The following CDK14 variants were observed in gnomAD, a reference collection of about 807,000 sequenced individuals.
The protein encoded by CDK14 is cyclin-dependent kinase 14.
Under a neutral mutation model 60.7 loss-of-function variants are expected in CDK14, and 34 were observed. The ratio of observed to expected loss-of-function variants is 0.56; its 90% CI spans 0.43 to 0.75. The LOEUF is 0.75. Among genes scored for constraint, CDK14 ranks in the 30% least tolerant of loss-of-function variants. The pLI is 0.00. For synonymous variants in CDK14, 197 were observed against 203.7 expected, an observed-to-expected ratio of 0.97 and a Z score of 0.28; for missense variants, 482 against 564.1, an observed-to-expected ratio of 0.85 and a Z score of 1.47.
chr7:90,859,659 G>C (rs1053720630), intron 5 of CDK14, among the ~76,000 whole-genome samples: 1 of 152,052 alleles, frequency 6.6e-6, no homozygotes, highest in Admixed American at 6.6e-5. Flanking sequence ...CATATGCATA[G>C]CCTCCCCAGC....
chr7:90,634,363 T>C (rs1184852754), intron 2 of CDK14, among the ~76,000 whole-genome samples: 5 of 143,970 alleles, frequency 3.5e-5, no homozygotes, highest in East Asian at 2.1e-4. Context: ...TCAATTCCCA[T>C]CTATGAGTGA....
intron 2 of CDK14, among the ~76,000 whole-genome samples, chr7:90,638,925 G>C (rs1800239121): frequency 6.6e-6 from 1 of 151,800 alleles, no homozygotes; most frequent in Admixed American, 6.6e-5. Flanking sequence ...GATCGCATCG[G>C]CTCCTGAGGC....
intron 10 of CDK14, among the ~76,000 whole-genome samples, chr7:90,994,860 A>G (rs1022532272): frequency 1.6e-4 from 25 of 152,330 alleles, no homozygotes; most frequent in African/African-American, 6.0e-4. Context: ...AGGTGGTGAC[A>G]CTTCTTAGCA....
intron 9 of CDK14, among the ~76,000 whole-genome samples, chr7:90,967,276 T>C (rs1408057690): frequency 6.6e-6 from 1 of 152,086 alleles, no homozygotes; most frequent in African/African-American, 2.4e-5. Context: ...TGTATAAGGA[T>C]CTTTATAGGA....
intron 10 of CDK14, among the ~76,000 whole-genome samples, chr7:90,990,240 T>A (rs888686623): frequency 6.6e-6 from 1 of 152,148 alleles, no homozygotes; most frequent in Non-Finnish European, 1.5e-5. Flanking sequence ...ATTGTGCCAC[T>A]GCACTCCAGC....
At chr7:90,630,086 ACAC>A (rs765032106) in intron 2 of CDK14, among the ~76,000 whole-genome samples, 2 of 74,288 alleles carry the variant, frequency 2.7e-5, no homozygotes, top group Admixed American at 3.6e-4. Context: ...ACAAAACAAA[ACAC>A]CACACACAAA....
chr7:91,060,400 A>G (rs1797742408), intron 11 of CDK14, among the ~76,000 whole-genome samples: 2 of 152,074 alleles, frequency 1.3e-5, no homozygotes, highest in African/African-American at 4.8e-5. Flanking sequence ...GCCCATTTAC[A>G]TTTAAGGTTA....
At chr7:91,027,053 AT>A (rs1224604373) in intron 10 of CDK14, among the ~76,000 whole-genome samples, 1 of 152,228 alleles carries the variant, frequency 6.6e-6, no homozygotes, top group Non-Finnish European at 1.5e-5. Context: ...AAAACCACTG[AT>A]TAAAGGGTGG....
intron 14 of CDK14, among the ~76,000 whole-genome samples, chr7:91,194,501 GT>G (rs754293665): frequency 5.9e-5 from 9 of 151,872 alleles, no homozygotes; most frequent in Non-Finnish European, 1.2e-4. Context: ...GGCTGTGGGG[GT>G]TTTTCCCCCC....
At chr7:91,205,699 T>C (rs1160250422) in intron 14 of CDK14, among the ~76,000 whole-genome samples, 1 of 152,228 alleles carries the variant, frequency 6.6e-6, no homozygotes, top group African/African-American at 2.4e-5. Flanking sequence ...AAATTTTGCT[T>C]CAATTTTTAA....
intron 11 of CDK14, among the ~76,000 whole-genome samples, chr7:91,075,255 A>G (rs529771780): frequency 6.6e-6 from 1 of 152,348 alleles, no homozygotes; most frequent in East Asian, 1.9e-4. Context: ...AAATACTGAC[A>G]AACCAAATCC....
intron 10 of CDK14, among the ~76,000 whole-genome samples, chr7:91,018,577 A>G (rs2115860008): frequency 6.6e-6 from 1 of 152,312 alleles, no homozygotes; most frequent in East Asian, 1.9e-4. Context: ...CCCAAATCTC[A>G]TGTCGAATTG....
intron 6 of CDK14, among the ~76,000 whole-genome samples, chr7:90,869,248 A>G (rs148259741): frequency 1.3e-5 from 2 of 152,214 alleles, no homozygotes; most frequent in Non-Finnish European, 2.9e-5. Context: ...GCACACATGC[A>G]ACTTTAATTG....
intron 4 of CDK14, among the ~76,000 whole-genome samples, chr7:90,760,244 G>A (rs188611735): frequency 1.5e-3 from 232 of 152,250 alleles, no homozygotes; most frequent in African/African-American, 5.2e-3. Flanking sequence ...AAGCAGCAGC[G>A]CAAGAAGAAA....
intron 2 of CDK14, among the ~76,000 whole-genome samples, chr7:90,630,325 C>G (rs1799966788): frequency 1.3e-5 from 2 of 152,044 alleles, no homozygotes; most frequent in Admixed American, 6.6e-5. Context: ...ATGGTATAGC[C>G]TATTGTTCCT....
At chr7:90,962,921 C>T (rs941111558) in intron 9 of CDK14, among the ~76,000 whole-genome samples, 6 of 152,060 alleles carry the variant, frequency 3.9e-5, no homozygotes, top group African/African-American at 9.7e-5. Flanking sequence ...ACTCTTAGAA[C>T]GTCAATCAGC....
At chr7:90,652,050 G>A (rs1055173494) in intron 2 of CDK14, among the ~76,000 whole-genome samples, 1 of 152,052 alleles carries the variant, frequency 6.6e-6, no homozygotes, top group Non-Finnish European at 1.5e-5. Flanking sequence ...GCTCACCAGT[G>A]GGCACTTGCA....
At chr7:90,740,070 T>A (rs1457814121) in intron 3 of CDK14, among the ~76,000 whole-genome samples, 2 of 152,098 alleles carry the variant, frequency 1.3e-5, no homozygotes, top group Non-Finnish European at 2.9e-5. Context: ...TAAGTGAATG[T>A]AATGCCTAAA....
intron 2 of CDK14, among the ~76,000 whole-genome samples, chr7:90,689,392 T>C (rs1801507568): frequency 6.6e-6 from 1 of 152,168 alleles, no homozygotes; most frequent in Admixed American, 6.6e-5. Flanking sequence ...TGAAGGGCTA[T>C]TCAGGGAGGT....
Sources: allele counts gnomAD v4.1 joint callset (sites outside exome capture counted in the v4.1 genomes callset), GRCh38; gene constraint gnomAD v4.1.1; transcripts MANE v1.5; gene names NCBI Gene and HGNC (gene_info 2026-07-23, HGNC 2026-07-21).